Variants in TMEM170B observed in about 807,000 individuals in gnomAD.
The protein encoded by TMEM170B is transmembrane protein 170B.
Under a neutral mutation model 13.0 loss-of-function variants are expected in TMEM170B, and 6 were observed. That is an observed-to-expected ratio of 0.46 (90% CI 0.25 to 0.91). The LOEUF (loss-of-function observed/expected upper bound fraction) is 0.91. Ranked by LOEUF, TMEM170B falls within the 40% of genes least tolerant of loss-of-function variation. TMEM170B has a pLI of 0.17. For missense variants in TMEM170B, 138 were observed against 165.2 expected (o/e 0.84, Z 0.90); for synonymous variants, 61 against 64.9 (o/e 0.94, Z 0.29).
intron 2 of TMEM170B, among the ~76,000 whole-genome samples, chr6:11,573,783 T>G (rs1759837970): frequency 6.6e-6 from 1 of 152,180 alleles, no homozygotes; most frequent in Non-Finnish European, 1.5e-5. Context: ...GATAGTCATA[T>G]AAATCTAGGA....
At chr6:11,545,314 T>C (rs1274841065) in intron 1 of TMEM170B, among the ~76,000 whole-genome samples, 2 of 85,630 alleles carry the variant, frequency 2.3e-5, no homozygotes, top group African/African-American at 7.5e-5. Context: ...GTGTGTGTAG[T>C]ACTAGTAGTA....
At position 11,537,856 on chromosome 6, in the gene TMEM170B, C is replaced by T. The variant is rs932061988; in HGVS notation, c.-422C>T. Among the ~76,000 whole-genome samples, 11 of 151,620 alleles carry T rather than the reference C, an allele frequency of 7.3e-5. No homozygotes were observed. Among genetic ancestry groups the T allele is most frequent in the Non-Finnish European group, 4.4e-5 (3 of 67,834 alleles). ...CCGGCGGCGATGAGCTGGGCCCTGT[C>T]GGGGGCTGCACCTGCCGGCTGCCCA... On this transcript the variant is annotated 5_prime_UTR_variant, in exon 1 of 3. Coordinates refer to ENST00000379426, the MANE Select transcript of TMEM170B (RefSeq NM_001100829.3).
chr6:11,561,367 T>C (rs939806796), intron 1 of TMEM170B, among the ~76,000 whole-genome samples: 4 of 152,214 alleles, frequency 2.6e-5, no homozygotes, highest in African/African-American at 9.7e-5. Flanking sequence ...GTGTTCACTT[T>C]AGCATAGACA....
intron 1 of TMEM170B, among the ~76,000 whole-genome samples, chr6:11,545,099 G>A (rs1759415228): frequency 1.3e-5 from 2 of 152,172 alleles, no homozygotes; most frequent in South Asian, 4.2e-4. Flanking sequence ...GCAAAACTTG[G>A]CTGGTGTTAG....
chr6:11,560,157 T>C (rs1561685671), intron 1 of TMEM170B, among the ~76,000 whole-genome samples: 1 of 151,618 alleles, frequency 6.6e-6, no homozygotes, highest in African/African-American at 2.4e-5. Flanking sequence ...TTTATTTTTA[T>C]TTTTTTATTT....
intron 1 of TMEM170B, among the ~76,000 whole-genome samples, chr6:11,557,226 G>A (rs892308712): frequency 7.2e-5 from 11 of 152,144 alleles, no homozygotes; most frequent in African/African-American, 1.7e-4. Flanking sequence ...GAAAAGTTAC[G>A]ATTGTATAAT....
chr6:11,546,735 A>G (rs1337461812), intron 1 of TMEM170B, among the ~76,000 whole-genome samples: 3 of 152,252 alleles, frequency 2.0e-5, no homozygotes, highest in Non-Finnish European at 2.9e-5. Context: ...GCAATAGGCT[A>G]TACCATATAG....
intron 1 of TMEM170B, among the ~76,000 whole-genome samples, chr6:11,552,495 A>G (rs569819743): frequency 1.3e-5 from 2 of 152,348 alleles, no homozygotes; most frequent in Non-Finnish European, 2.9e-5. Flanking sequence ...TTTATCAGCA[A>G]TATCAATTTG....
intron 1 of TMEM170B, among the ~76,000 whole-genome samples, chr6:11,564,161 C>T (rs2113777016): frequency 1.3e-5 from 2 of 152,322 alleles, no homozygotes; most frequent in South Asian, 4.1e-4. Context: ...GTTGCTATCA[C>T]CTCTTGGCTA....
At chr6:11,542,033 T>G (rs1253261177) in intron 1 of TMEM170B, among the ~76,000 whole-genome samples, 1 of 151,936 alleles carries the variant, frequency 6.6e-6, no homozygotes. Flanking sequence ...AATAAGATAA[T>G]AAAATTTGAA....
intron 1 of TMEM170B, among the ~76,000 whole-genome samples, chr6:11,555,873 A>ATCGTGTTT (rs1759581580): frequency 1.0e-4 from 4 of 38,374 alleles, no homozygotes; most frequent in African/African-American, 3.0e-4. Context: ...ACTGAGGTAC[A>ATCGTGTTT]AGGCCGGGCG....
intron 2 of TMEM170B, among the ~76,000 whole-genome samples, chr6:11,574,352 G>T (rs1406396373): frequency 6.6e-6 from 1 of 152,072 alleles, no homozygotes; most frequent in African/African-American, 2.4e-5. Context: ...CTCTTACAGA[G>T]CAATACAATA....
chr6:11,555,570 A>G lies in TMEM170B; in HGVS notation c.98-10096A>G, dbSNP rs556523954. ...TGGACTCCAATTACATATATGTTAAACCATTTGAAATTGTGCCATATCTTT... is the reference window on the plus strand; with the variant it reads ...TGGACTCCAATTACATATATGTTAAGCCATTTGAAATTGTGCCATATCTTT... On this transcript the variant is annotated intron_variant, in intron 1 of 2. Transcript: ENST00000379426. Among the ~76,000 whole-genome samples, 14 of 152,244 alleles carry G rather than the reference A, an allele frequency of 9.2e-5. No individual in the cohort carries two copies. The South Asian group carries it at 2.9e-3, about 32-fold the overall frequency.
intron 1 of TMEM170B, among the ~76,000 whole-genome samples, chr6:11,546,544 A>G (rs1759443292): frequency 6.6e-6 from 1 of 152,152 alleles, no homozygotes; most frequent in African/African-American, 2.4e-5. Context: ...ACCTGGAGCA[A>G]CTTCCAGGCC....
intron 2 of TMEM170B, among the ~76,000 whole-genome samples, chr6:11,566,931 G>A (rs932593593): frequency 1.3e-5 from 2 of 152,238 alleles, no homozygotes; most frequent in Admixed American, 6.5e-5. Flanking sequence ...TAATGCACAT[G>A]CTTGAGCCCA....
At chr6:11,542,804 C>T (rs73721757) in intron 1 of TMEM170B, among the ~76,000 whole-genome samples, 2,564 of 152,274 alleles carry the variant, frequency 0.017, 74 homozygotes, top group African/African-American at 0.056. Context: ...TCAAAAGAGG[C>T]GAGTAAACAC....
At chr6:11,548,839 C>G (rs1042871117) in intron 1 of TMEM170B, among the ~76,000 whole-genome samples, 2 of 150,942 alleles carry the variant, frequency 1.3e-5, no homozygotes, top group Non-Finnish European at 2.9e-5. Flanking sequence ...AACCAAAGAT[C>G]GCGTGCTCTC....
At chr6:11,545,422 A>T (rs1391796169) in intron 1 of TMEM170B, among the ~76,000 whole-genome samples, 1 of 152,044 alleles carries the variant, frequency 6.6e-6, no homozygotes, top group African/African-American at 2.4e-5. Context: ...AACCCCATAT[A>T]TACAGTCATG....
In TMEM170B at chr6:11,537,828, C is replaced by T. The variant is rs991842727; in HGVS notation, c.-450C>T. Among the ~76,000 whole-genome samples the T allele has an allele frequency of 1.7e-3, 258 of 151,796 alleles. 1 individual carries two copies. The highest frequency in any genetic ancestry group is 5.8e-3 in the African/African-American group (242 of 41,464). ...CCTCTGGCTGGTCCCGCGTCTCCGT[C>T]CTCCGGCGGCGATGAGCTGGGCCCT... is the stretch of plus-strand genomic sequence containing the variant. On this transcript the variant is annotated 5_prime_UTR_variant, in exon 1 of 3. Coordinates refer to ENST00000379426, the MANE Select transcript of TMEM170B (RefSeq NM_001100829.3).
Sources: allele counts gnomAD v4.1 joint callset (sites outside exome capture counted in the v4.1 genomes callset), GRCh38; gene constraint gnomAD v4.1.1; transcripts MANE v1.5; gene names NCBI Gene and HGNC (gene_info 2026-07-23, HGNC 2026-07-21).